PPA2: variants seen among roughly 807,000 people sequenced by gnomAD.
PPA2 encodes the protein inorganic pyrophosphatase 2, mitochondrial.
PPA2 carries 48 observed loss-of-function variants against 49.5 expected under a neutral mutation model. The ratio of observed to expected loss-of-function variants is 0.97; its 90% CI spans 0.77 to 1.23. The LOEUF (loss-of-function observed/expected upper bound fraction) is 1.23, where lower values mean the gene tolerates loss of function less well. Among genes scored for constraint, PPA2 ranks in the 50% most tolerant of loss-of-function variants. PPA2 has a pLI of 0.00. For synonymous variants in PPA2, 131 were observed against 139.9 expected, an observed-to-expected ratio of 0.94 and a Z score of 0.45; for missense variants, 429 against 410.1, an observed-to-expected ratio of 1.05 and a Z score of -0.40.
intron 7 of PPA2, among the ~76,000 whole-genome samples, chr4:105,407,858 T>C (rs575383622): frequency 6.6e-6 from 1 of 152,292 alleles, no homozygotes; most frequent in East Asian, 1.9e-4. Flanking sequence ...AGGGATTGAC[T>C]GCACAGGGGT....
intron 6 of PPA2, among the ~76,000 whole-genome samples, chr4:105,436,288 G>A (rs532517207): frequency 3.0e-4 from 46 of 151,786 alleles, no homozygotes; most frequent in Non-Finnish European, 6.2e-4. Context: ...ATCTCTGCAA[G>A]AACTACAAAA....
At chr4:105,462,178 A>G (rs1194322136) in intron 1 of PPA2, among the ~76,000 whole-genome samples, 1 of 152,218 alleles carries the variant, frequency 6.6e-6, no homozygotes, top group African/African-American at 2.4e-5. Flanking sequence ...CGTTATTTTT[A>G]AAGACAGTAG....
chr4:105,466,542 G>A (rs1578891250), intron 1 of PPA2, among the ~76,000 whole-genome samples: 1 of 152,110 alleles, frequency 6.6e-6, no homozygotes. Context: ...TGCCTCCTCA[G>A]AAGAAAGAAT....
At chr4:105,420,787 A>G (rs1052960513) in intron 7 of PPA2, among the ~76,000 whole-genome samples, 2 of 152,234 alleles carry the variant, frequency 1.3e-5, no homozygotes, top group African/African-American at 4.8e-5. Flanking sequence ...GAACTAACCA[A>G]GCATTGAAAA....
rs943806082 is a variant in PPA2 at position 105,440,756 on chromosome 4, G to A, written c.442-2720C>T. On this transcript the variant is annotated intron_variant, in intron 5 of 11. Transcript: ENST00000341695. Reference sequence around the variant, plus strand: ...AGACTGTCTTGACATTAACTTAGTTGTGGTGACTATTTCTGTTGGTTGGTT... The same window carrying A: ...AGACTGTCTTGACATTAACTTAGTTATGGTGACTATTTCTGTTGGTTGGTT... Among the ~76,000 whole-genome samples the A allele has an allele frequency of 2.6e-4, 39 of 151,976 alleles. 1 individual carries two copies. The highest frequency in any genetic ancestry group is 4.7e-4 in the Non-Finnish European group (32 of 68,002).
At chr4:105,415,306 C>T (rs951075164) in intron 7 of PPA2, among the ~76,000 whole-genome samples, 2 of 152,228 alleles carry the variant, frequency 1.3e-5, no homozygotes, top group African/African-American at 4.8e-5. Context: ...TTGTGCCAAG[C>T]GGCACCTACA....
In PPA2 at chr4:105,451,850, C is replaced by T. The variant is rs115009279; in HGVS notation, c.267+1748G>A. On this transcript the variant is annotated intron_variant, in intron 3 of 11. Coordinates refer to ENST00000341695, the MANE Select transcript of PPA2 (RefSeq NM_176869.3). ...ATTTCCAACCTGCCTTTCTTCTCTCCAGCTAAGATGCATTTGTCCTGTAAT... is the reference window on the plus strand; with the variant it reads ...ATTTCCAACCTGCCTTTCTTCTCTCTAGCTAAGATGCATTTGTCCTGTAAT... Among the ~76,000 whole-genome samples the T allele has an allele frequency of 4.9e-3, 754 of 152,328 alleles. 10 individuals are homozygous for T. The highest frequency in any genetic ancestry group is 0.017 in the African/African-American group (711 of 41,576).
chr4:105,466,584 C>T (rs192605621), intron 1 of PPA2, among the ~76,000 whole-genome samples: 4 of 152,088 alleles, frequency 2.6e-5, no homozygotes, highest in African/African-American at 9.7e-5. Context: ...GAAGGAGAGG[C>T]TGAGGCAATT....
chr4:105,439,176 T>C (rs1033908674), intron 5 of PPA2, among the ~76,000 whole-genome samples: 2 of 152,142 alleles, frequency 1.3e-5, no homozygotes, highest in Non-Finnish European at 2.9e-5. Flanking sequence ...CATATATACA[T>C]ACATACCACA....
intron 10 of PPA2, among the ~76,000 whole-genome samples, chr4:105,372,321 G>A (rs890377032): frequency 6.6e-6 from 1 of 152,152 alleles, no homozygotes; most frequent in Non-Finnish European, 1.5e-5. Context: ...CTGAATAACG[G>A]CCAAGTATGA....
intron 3 of PPA2, among the ~76,000 whole-genome samples, chr4:105,452,615 C>T (rs1231634293): frequency 6.6e-6 from 1 of 152,004 alleles, no homozygotes; most frequent in Non-Finnish European, 1.5e-5. Context: ...ATTTAAAGGC[C>T]CCCACAGGTA....
At chr4:105,445,066 T>A (rs1401618264) in intron 5 of PPA2, among the ~76,000 whole-genome samples, 3 of 152,240 alleles carry the variant, frequency 2.0e-5, no homozygotes, top group Non-Finnish European at 4.4e-5. Flanking sequence ...GAGGCCTTGA[T>A]GTCACATCTA....
chr4:105,413,500 T>C (rs537705834), intron 7 of PPA2, among the ~76,000 whole-genome samples: 44 of 152,098 alleles, frequency 2.9e-4, no homozygotes, highest in African/African-American at 9.6e-4. Flanking sequence ...ATAAGAAACA[T>C]CAAGTTTGAA....
intron 7 of PPA2, chr4:105,407,134 A>C (rs1378454579): frequency 1.2e-5 from 1 of 86,748 alleles, no homozygotes; most frequent in African/African-American, 4.8e-5. Context: ...GCAGGAGTGC[A>C]CTACAAGCAT....
intron 6 of PPA2, among the ~76,000 whole-genome samples, chr4:105,430,559 C>T (rs938675668): frequency 1.3e-5 from 2 of 152,204 alleles, no homozygotes; most frequent in South Asian, 2.1e-4. Flanking sequence ...ATCAACACTA[C>T]GTGCATCATT....
intron 7 of PPA2, among the ~76,000 whole-genome samples, chr4:105,411,335 CA>C (rs1408093738): frequency 6.6e-6 from 1 of 152,092 alleles, no homozygotes; most frequent in Non-Finnish European, 1.5e-5. Flanking sequence ...TAACAGTAAA[CA>C]AATCAATTCA....
intron 7 of PPA2, chr4:105,405,071 A>C (rs1722399020): frequency 1.0e-5 from 4 of 395,376 alleles, no homozygotes; most frequent in Non-Finnish European, 1.4e-5. Flanking sequence ...CGACAGAGTG[A>C]GACTCCGCCT....
intron 10 of PPA2, among the ~76,000 whole-genome samples, chr4:105,385,787 G>A (rs1324755820): frequency 4.0e-5 from 6 of 151,740 alleles, no homozygotes; most frequent in Admixed American, 6.6e-5. Flanking sequence ...GAAAGCATGT[G>A]AGACAGCCAA....
At chr4:105,414,515 G>A (rs1352271033) in intron 7 of PPA2, among the ~76,000 whole-genome samples, 1 of 152,210 alleles carries the variant, frequency 6.6e-6, no homozygotes, top group Non-Finnish European at 1.5e-5. Context: ...CACAGGCACC[G>A]GCTCCCTGCG....
Sources: allele counts gnomAD v4.1 joint callset (sites outside exome capture counted in the v4.1 genomes callset), GRCh38; gene constraint gnomAD v4.1.1; transcripts MANE v1.5; gene names NCBI Gene and HGNC (gene_info 2026-07-23, HGNC 2026-07-21).